NR3C2: variants seen among roughly 807,000 people sequenced by gnomAD.
NR3C2 encodes mineralocorticoid receptor.
NR3C2 carries 15 observed loss-of-function variants against 86.4 expected under a neutral mutation model. That is an observed-to-expected ratio of 0.17 (90% confidence interval 0.12 to 0.27). The LOEUF (loss-of-function observed/expected upper bound fraction) is 0.27, where lower values mean the gene tolerates loss of function less well. Ranked by LOEUF, NR3C2 falls within the 10% of genes least tolerant of loss-of-function variation. The pLI is 1.00. For missense variants in NR3C2, 960 were observed against 1,195.6 expected (o/e 0.80, Z 2.91); for synonymous variants, 458 against 450.5 (o/e 1.02, Z -0.21).
At chr4:148,305,083 A>T (rs1252979487) in intron 2 of NR3C2, among the ~76,000 whole-genome samples, 2 of 152,180 alleles carry the variant, frequency 1.3e-5, no homozygotes, top group African/African-American at 4.8e-5. Flanking sequence ...ATGATAAAAT[A>T]AAAACTTAAT....
In NR3C2 at chr4:148,261,385, G is replaced by GTATGGTGCGCTATGGTCAGTGC. The variant is rs1174061456; in HGVS notation, c.1758-1290_1758-1269dup. 1.4e-4 allele frequency among the ~76,000 whole-genome samples: 20 copies of GTATGGTGCGCTATGGTCAGTGC among 147,234 alleles called. 1 individual carries two copies. Among genetic ancestry groups the GTATGGTGCGCTATGGTCAGTGC allele is most frequent in the African/African-American group, 5.1e-4 (20 of 39,462 alleles). On this transcript the variant is annotated intron_variant, in intron 2 of 8. Coordinates refer to ENST00000358102, the MANE Select transcript of NR3C2 (RefSeq NM_000901.5). Reference sequence around the variant, plus strand: ...AGCGCTATGGTGCGCTATGGTCAGTGTATGGTGCGCTATGGTCAGTGCTAT... The same window carrying GTATGGTGCGCTATGGTCAGTGC: ...AGCGCTATGGTGCGCTATGGTCAGTGTATGGTGCGCTATGGTCAGTGCTATGGTGCGCTATGGTCAGTGCTAT...
chr4:148,166,022 T>C (rs1478780138), intron 4 of NR3C2, among the ~76,000 whole-genome samples: 1 of 152,256 alleles, frequency 6.6e-6, no homozygotes, highest in Admixed American at 6.5e-5. Flanking sequence ...ATTGCTTTTA[T>C]GCATTTAAAT....
chr4:148,117,465 T>C (rs1397612561), intron 7 of NR3C2, among the ~76,000 whole-genome samples: 1 of 152,176 alleles, frequency 6.6e-6, no homozygotes, highest in Non-Finnish European at 1.5e-5. Flanking sequence ...GGAATGACAC[T>C]GGAGGTAAAG....
intron 3 of NR3C2, among the ~76,000 whole-genome samples, chr4:148,224,289 A>T (rs1678559462): frequency 6.6e-6 from 1 of 152,220 alleles, no homozygotes; most frequent in African/African-American, 2.4e-5. Context: ...TAAAGATTTT[A>T]TAAAAGAATA....
intron 2 of NR3C2, among the ~76,000 whole-genome samples, chr4:148,271,530 C>T (rs753876401): frequency 4.6e-5 from 7 of 152,210 alleles, no homozygotes; most frequent in Non-Finnish European, 7.4e-5. Flanking sequence ...CACGAAAGTA[C>T]ATAAAAATAT....
At chr4:148,136,077 CAAAAAAAAA>C (rs1213471911) in intron 6 of NR3C2, among the ~76,000 whole-genome samples, 27 of 28,928 alleles carry the variant, frequency 9.3e-4, no homozygotes, top group Non-Finnish European at 2.0e-3. Context: ...AAAAAAAAAA[CAAAAAAAAA>C]AAACACCACC....
rs190186478 is a variant in NR3C2 at position 148,333,737 on chromosome 4, T to A, written c.1758-73620A>T. Among the ~76,000 whole-genome samples the A allele has an allele frequency of 4.7e-4, 72 of 152,022 alleles. No homozygotes were observed. In the East Asian group the frequency reaches 0.012, roughly 26 times the overall value. ...AAGCAAGGCAGTATTAGTGCAAGAG[T>A]TGTTTCAAAGTGAGCCAGACAAGTT... On this transcript the variant is annotated intron_variant, in intron 2 of 8. Transcript: ENST00000358102.
chr4:148,344,308 T>G (rs61761513), intron 2 of NR3C2, among the ~76,000 whole-genome samples: 26 of 152,094 alleles, frequency 1.7e-4, no homozygotes, highest in Non-Finnish European at 1.6e-4. Flanking sequence ...TCTAACATAG[T>G]GAAATACTGG....
chr4:148,384,100 G>A (rs1340141464), intron 2 of NR3C2, among the ~76,000 whole-genome samples: 1 of 151,932 alleles, frequency 6.6e-6, no homozygotes, highest in African/African-American at 2.4e-5. Flanking sequence ...ATTTTATGTA[G>A]ACTCTACTTG....
chr4:148,191,160 CT>C (rs1449984681), intron 4 of NR3C2, among the ~76,000 whole-genome samples: 1 of 151,812 alleles, frequency 6.6e-6, no homozygotes, highest in Non-Finnish European at 1.5e-5. Context: ...TTTAGCAGTT[CT>C]TTTAGTGATA....
chr4:148,305,169 T>C (rs3916013), intron 2 of NR3C2, among the ~76,000 whole-genome samples: 20,407 of 152,154 alleles, frequency 0.13, 1,622 homozygotes, highest in Middle Eastern at 0.34. Flanking sequence ...GGTACAAATA[T>C]AATGAAAAGT....
intron 2 of NR3C2, among the ~76,000 whole-genome samples, chr4:148,312,955 C>T (rs937109748): frequency 1.3e-5 from 2 of 152,104 alleles, no homozygotes; most frequent in Non-Finnish European, 2.9e-5. Context: ...CTACTAGAAG[C>T]TGTAAGCATA....
intron 3 of NR3C2, among the ~76,000 whole-genome samples, chr4:148,204,588 C>G (rs1476444869): frequency 6.6e-6 from 1 of 152,138 alleles, no homozygotes; most frequent in Non-Finnish European, 1.5e-5. Flanking sequence ...ACTTACAGCA[C>G]TTTCATTACA....
At chr4:148,120,067 C>T in intron 7 of NR3C2, 91 bp downstream of exon 7, 1 of 1,551,038 alleles carries the variant, frequency 6.4e-7, no homozygotes, top group Non-Finnish European at 8.9e-7. Flanking sequence ...TGTTTTGGTA[C>T]CAACTACCTG....
intron 2 of NR3C2, among the ~76,000 whole-genome samples, chr4:148,324,355 GTGTGTGTGTGTT>G (rs201555764): frequency 0.27 from 36,268 of 134,060 alleles, 5,129 homozygotes; most frequent in East Asian, 0.53. Flanking sequence ...GTGTGTGTGT[GTGTGTGTGTGTT>G]TGTGTGTGTG....
intron 3 of NR3C2, among the ~76,000 whole-genome samples, chr4:148,220,547 T>C (rs963258147): frequency 2.0e-5 from 3 of 152,222 alleles, no homozygotes; most frequent in African/African-American, 7.2e-5. Flanking sequence ...GGCTCGTGCC[T>C]GTAATCCCAG....
chr4:148,411,687 A>G (rs1748712403), intron 2 of NR3C2, among the ~76,000 whole-genome samples: 1 of 152,228 alleles, frequency 6.6e-6, no homozygotes. Flanking sequence ...TCCTACTCAC[A>G]TCATCTTCAG....
chr4:148,404,611 T>C (rs1191138962), intron 2 of NR3C2, among the ~76,000 whole-genome samples: 1 of 152,172 alleles, frequency 6.6e-6, no homozygotes, highest in Non-Finnish European at 1.5e-5. Flanking sequence ...ACTTATGATC[T>C]ACCATCTCAT....
chr4:148,428,916 G>C (rs1749675072), intron 2 of NR3C2, among the ~76,000 whole-genome samples: 1 of 152,072 alleles, frequency 6.6e-6, no homozygotes. Flanking sequence ...TACCTACCAA[G>C]TTAAGTACAA....
Sources: allele counts gnomAD v4.1 joint callset (sites outside exome capture counted in the v4.1 genomes callset), GRCh38; gene constraint gnomAD v4.1.1; transcripts MANE v1.5; gene names NCBI Gene and HGNC (gene_info 2026-07-23, HGNC 2026-07-21).